LRBA: variants seen among roughly 807,000 people sequenced by gnomAD.
LRBA encodes the protein lipopolysaccharide-responsive and beige-like anchor protein.
In LRBA, 176 loss-of-function variants were observed where a neutral mutation model predicts 330.0. That is an observed-to-expected ratio of 0.53 (90% CI 0.47 to 0.60). LRBA has a LOEUF of 0.60. LRBA is among the 20% of genes least tolerant of loss of function. The pLI is 0.00. For missense variants in LRBA, 3,259 were observed against 3,444.8 expected (o/e 0.95, Z 1.35); for synonymous variants, 1,230 against 1,193.0 (o/e 1.03, Z -0.64).
intron 37 of LRBA, among the ~76,000 whole-genome samples, chr4:150,621,318 AACTGTGGGCTTC>A (rs1002500537): frequency 6.6e-6 from 1 of 152,142 alleles, no homozygotes; most frequent in African/African-American, 2.4e-5. Context: ...TATTTTTAAA[AACTGTGGGCTTC>A]CTATTTTTCT....
Position 150,928,555 on chromosome 4 carries a change from C to T in LRBA, c.510G>A (p.Lys170=). The T allele has an allele frequency of 2.5e-6, 4 of 1,613,824 alleles. No individual in the cohort carries two copies. Among genetic ancestry groups the T allele is most frequent in the Non-Finnish European group, 3.4e-6 (4 of 1,179,866 alleles). ...CTCCTTGAAGTTTACTGAAGAAAAG[C>T]TTTAGCTCGCGAACTGTCAAATTAT... The part of the protein sequence containing the change: ...ASYNLTVREL[K]LFFSKLQGDK... Residue 170 remains lysine (K), a synonymous_variant, in exon 4 of 57, where the codon AAG becomes AAA. Coordinates refer to ENST00000651943, the MANE Select transcript of LRBA (RefSeq NM_001364905.1).
chr4:150,989,411 G>A (rs979202810), intron 2 of LRBA, among the ~76,000 whole-genome samples: 8 of 151,690 alleles, frequency 5.3e-5, no homozygotes, highest in East Asian at 3.9e-4. Context: ...TCAGGTGTTC[G>A]AGACCAGCCT....
At chr4:150,619,791 C>A (rs1243596965) in intron 37 of LRBA, among the ~76,000 whole-genome samples, 1 of 152,034 alleles carries the variant, frequency 6.6e-6, no homozygotes, top group East Asian at 1.9e-4. Context: ...TAAAGCCCAT[C>A]AAAATGATAA....
intron 28 of LRBA, among the ~76,000 whole-genome samples, chr4:150,836,013 G>A (rs569868063): frequency 2.3e-4 from 35 of 152,234 alleles, no homozygotes; most frequent in Middle Eastern, 3.4e-3. Context: ...AGCATGAAGC[G>A]CTGTTGAATT....
At chr4:150,798,821 T>C (rs1741170506) in intron 33 of LRBA, among the ~76,000 whole-genome samples, 1 of 152,204 alleles carries the variant, frequency 6.6e-6, no homozygotes, top group Non-Finnish European at 1.5e-5. Context: ...AGTTCATTAG[T>C]ATCTTAACAA....
intron 47 of LRBA, among the ~76,000 whole-genome samples, chr4:150,383,824 A>C (rs1286458147): frequency 6.6e-6 from 1 of 152,176 alleles, no homozygotes; most frequent in South Asian, 2.1e-4. Flanking sequence ...CGTTAGAACA[A>C]GACACTCTCA....
intron 37 of LRBA, among the ~76,000 whole-genome samples, chr4:150,646,045 T>C (rs1424575403): frequency 1.3e-5 from 2 of 152,046 alleles, no homozygotes; most frequent in African/African-American, 4.8e-5. Context: ...TTATCTTGCC[T>C]TTTGACCCAA....
chr4:150,629,658 A>G (rs1044915476), intron 37 of LRBA, among the ~76,000 whole-genome samples: 2 of 150,372 alleles, frequency 1.3e-5, no homozygotes, highest in African/African-American at 4.9e-5. Flanking sequence ...ATAAAACAAT[A>G]AAAAGGTATA....
At chr4:150,332,766 G>A (rs1734155054) in intron 48 of LRBA, among the ~76,000 whole-genome samples, 1 of 152,150 alleles carries the variant, frequency 6.6e-6, no homozygotes. Context: ...TCAGCAGGCA[G>A]CATTCCAGAT....
At chr4:150,850,429 C>A (rs1438232741) in intron 24 of LRBA, among the ~76,000 whole-genome samples, 1 of 152,066 alleles carries the variant, frequency 6.6e-6, no homozygotes, top group African/African-American at 2.4e-5. Flanking sequence ...TAGTAATAAA[C>A]CAACTTGATA....
chr4:150,628,479 G>A (rs907336018), intron 37 of LRBA, among the ~76,000 whole-genome samples: 1 of 152,128 alleles, frequency 6.6e-6, no homozygotes, highest in Non-Finnish European at 1.5e-5. Context: ...TTAAACCTCA[G>A]ATAATGTATA....
chr4:150,373,145 G>GTGTGTGTGTT (rs1740673821), intron 47 of LRBA, among the ~76,000 whole-genome samples: 1 of 147,496 alleles, frequency 6.8e-6, no homozygotes, highest in Non-Finnish European at 1.5e-5. Context: ...GTGTGTGTGT[G>GTGTGTGTGTT]TGTGTGTGTG....
intron 53 of LRBA, among the ~76,000 whole-genome samples, chr4:150,299,845 G>A (rs1393268233): frequency 6.6e-6 from 1 of 151,968 alleles, no homozygotes; most frequent in Non-Finnish European, 1.5e-5. Flanking sequence ...GTATTAATGT[G>A]CATTTATAGA....
At chr4:150,562,999 C>T (rs1173729876) in intron 40 of LRBA, among the ~76,000 whole-genome samples, 2 of 152,094 alleles carry the variant, frequency 1.3e-5, no homozygotes, top group Non-Finnish European at 2.9e-5. Context: ...TGGAGTCTTA[C>T]TGCATTACCC....
chr4:150,645,616 A>G (rs1272053090), intron 37 of LRBA, among the ~76,000 whole-genome samples: 1 of 151,956 alleles, frequency 6.6e-6, no homozygotes, highest in Non-Finnish European at 1.5e-5. Context: ...AATTGCAACT[A>G]ATTAACCTAT....
chr4:150,631,241 A>T (rs1229228995), intron 37 of LRBA, among the ~76,000 whole-genome samples: 1 of 151,994 alleles, frequency 6.6e-6, no homozygotes, highest in South Asian at 2.1e-4. Context: ...AGGTAATTTA[A>T]CAAGATATAT....
chr4:150,622,568 T>C (rs1341796867), intron 37 of LRBA, among the ~76,000 whole-genome samples: 2 of 151,662 alleles, frequency 1.3e-5, no homozygotes, highest in Non-Finnish European at 2.9e-5. Context: ...TAGGATCAAC[T>C]GGAAGGTAAA....
chr4:150,871,408 T>C lies in LRBA; in HGVS notation c.2304A>G (p.Leu768=), dbSNP rs1753427676. 6.2e-7 allele frequency: 1 copy of C among 1,612,772 alleles called. No homozygotes were observed. Among genetic ancestry groups the C allele is most frequent in the South Asian group, 1.1e-5 (1 of 90,968 alleles). ...TTGTCTGAAGCATGAGCCTTTCAGCTAGCAATGAAAACAATCCATGTCCAA... is the reference window on the plus strand; with the variant it reads ...TTGTCTGAAGCATGAGCCTTTCAGCCAGCAATGAAAACAATCCATGTCCAA... ...VMLGHGLFSL[L]AERLMLQTNL... is the part of the protein sequence containing the mutation. Residue 768 remains leucine, a synonymous_variant, in exon 19 of 57, where the codon CTA becomes CTG. Transcript: ENST00000651943.
chr4:150,884,622 T>C (rs558121531), intron 17 of LRBA, among the ~76,000 whole-genome samples: 44 of 152,084 alleles, frequency 2.9e-4, no homozygotes, highest in Middle Eastern at 3.2e-3. Flanking sequence ...GTAAAAATAC[T>C]GGGCAGAGAA....
Sources: gnomAD v4.1 joint callset for allele counts (sites outside exome capture counted in the v4.1 genomes callset) on GRCh38, gnomAD v4.1.1 for gene constraint, MANE v1.5 for transcripts, NCBI Gene and HGNC (gene_info 2026-07-23, HGNC 2026-07-21) for gene names.